Variants in SEC23IP observed in about 807,000 individuals in gnomAD.
SEC23IP encodes the protein SEC23-interacting protein.
Under a neutral mutation model 113.4 loss-of-function variants are expected in SEC23IP, and 70 were observed. The observed-to-expected ratio is 0.62, with a 90% CI of 0.51 to 0.75. SEC23IP has a LOEUF of 0.75. SEC23IP is among the 30% of genes least tolerant of loss of function. The probability of loss-of-function intolerance (pLI) is 0.00; values close to 1 mark genes in which losing one functional copy is unlikely to be tolerated. For synonymous variants in SEC23IP, 398 were observed against 421.0 expected (o/e 0.95, Z 0.67); for missense variants, 1,160 against 1,204.9 (o/e 0.96, Z 0.55).
In SEC23IP at chr10:119,942,905, T is replaced by C. The variant is rs1856000658; in HGVS notation, c.*2340T>C. On this transcript the variant is annotated 3_prime_UTR_variant, in exon 19 of 19. Transcript: ENST00000369075. ...AGTGATTTTTGAGGTAAGTATGTTA[T>C]TGGAAAGGTGTGATCTATATAGAAC... 1 of 152,158 alleles carries C rather than the reference T, an allele frequency of 6.6e-6. No homozygotes were observed. Among genetic ancestry groups the C allele is most frequent in the Non-Finnish European group, 1.5e-5 (1 of 68,040 alleles). 9.4% of individuals were successfully genotyped at this position (152,158 alleles called of 1,614,324 possible).
intron 8 of SEC23IP, among the ~76,000 whole-genome samples, chr10:119,916,493 A>G (rs1437160664): frequency 6.6e-6 from 1 of 152,200 alleles, no homozygotes; most frequent in Non-Finnish European, 1.5e-5. Context: ...ATTTTAGTGA[A>G]CACCGTAATG....
At position 119,904,153 on chromosome 10, in the gene SEC23IP, G is replaced by A. The variant is rs1413034560; in HGVS notation, c.977G>A (p.Arg326Gln). 7 of 1,614,054 alleles carry A rather than the reference G, an allele frequency of 4.3e-6. No individual in the cohort carries two copies. The highest frequency in any genetic ancestry group is 5.9e-6 in the Non-Finnish European group (7 of 1,180,030). ...GGRYDVYLYD[R>Q]IRKAAYWEEE... ...CGCTACGATGTTTACCTCTATGACC[G>A]AATAAGGAAGGCTGCCTACTGGGAA... is the stretch of plus-strand genomic sequence containing the variant. Residue 326 changes from arginine (R) to glutamine (Q), a missense_variant, in exon 4 of 19, where the codon CGA (arginine) becomes CAA (glutamine). Arg to Gln is a conservative substitution (Grantham distance 43). Coordinates refer to ENST00000369075, the MANE Select transcript of SEC23IP (RefSeq NM_007190.4).
chr10:119,901,321 TTTTG>T (rs1163422062), intron 2 of SEC23IP, among the ~76,000 whole-genome samples: 1 of 152,072 alleles, frequency 6.6e-6, no homozygotes, highest in Non-Finnish European at 1.5e-5. Context: ...AAACTTTTAT[TTTTG>T]TTTATTTACT....
At chr10:119,938,761 T>G (rs74683452) in intron 18 of SEC23IP, among the ~76,000 whole-genome samples, 2 of 152,312 alleles carry the variant, frequency 1.3e-5, no homozygotes, top group Non-Finnish European at 2.9e-5. Flanking sequence ...TGCCATCACC[T>G]TATATGGAAA....
At chr10:119,918,762 T>C (rs539853722) in intron 10 of SEC23IP, among the ~76,000 whole-genome samples, 1 of 152,264 alleles carries the variant, frequency 6.6e-6, no homozygotes, top group East Asian at 1.9e-4. Flanking sequence ...AGTACAGTTA[T>C]AGGCCCAAAT....
intron 5 of SEC23IP, 99 bp from the exon 6 acceptor site, chr10:119,911,945 C>T (rs542083755): frequency 4.8e-5 from 67 of 1,385,062 alleles, no homozygotes; most frequent in Middle Eastern, 1.8e-4. Flanking sequence ...ATAAACTCTC[C>T]GTACTCTGAG....
Position 119,916,084 on chromosome 10 carries a change from ATATT to A in SEC23IP, c.1544+198_1544+201del, listed in dbSNP as rs1261382031. The stretch of plus-strand genomic sequence containing the variant: ...CTGTGTGTGTGCATTCCTTTTGTAA[ATATT>A]TAAGAGAATCTTAAGAAATTTTAGC... On this transcript the variant is annotated intron_variant, in intron 8 of 18. Coordinates refer to ENST00000369075, the MANE Select transcript of SEC23IP (RefSeq NM_007190.4). Among the ~76,000 whole-genome samples the A allele has an allele frequency of 2.0e-5, 3 of 152,312 alleles. No individual in the cohort carries two copies. The East Asian group carries it at 5.8e-4, about 29-fold the overall frequency.
rs757150851 is a variant in SEC23IP, at chr10:119,933,667, A to G, written c.2922-19A>G. 1.5e-6 allele frequency: 2 copies of G among 1,348,478 alleles called. No individual in the cohort carries two copies. The highest frequency in any genetic ancestry group is 1.2e-5 in the South Asian group (1 of 84,054). The allele number at this position is 1,348,478 out of a possible 1,614,324, so 83.5% of individuals were successfully genotyped here. On this transcript the variant is annotated intron_variant, in intron 17 of 18. Coordinates refer to ENST00000369075, the MANE Select transcript of SEC23IP (RefSeq NM_007190.4). ...TCTTCTAATTGTCTCTTAAGTAAAT[A>G]TGCTTTTCCTTTTCATAGGGAATCT...
chr10:119,914,582 A>G (rs1854982623), intron 6 of SEC23IP, 148 bp from the exon 7 acceptor site: 2 of 643,422 alleles, frequency 3.1e-6, no homozygotes, highest in South Asian at 1.8e-5. Context: ...CTCTAATTTG[A>G]TAGGGGTAAT....
chr10:119,903,146 ATAT>A (rs1589824832), intron 3 of SEC23IP, 137 bp downstream of exon 3: 3 of 696,934 alleles, frequency 4.3e-6, no homozygotes, highest in African/African-American at 3.6e-5. Context: ...TAAGGTGACG[ATAT>A]TAGTATAAGT....
chr10:119,925,014 A>AG (rs1207516714), intron 12 of SEC23IP, among the ~76,000 whole-genome samples: 1 of 151,418 alleles, frequency 6.6e-6, no homozygotes, highest in Non-Finnish European at 1.5e-5. Context: ...TGAGCTCAAG[A>AG]GATCCACCCA....
chr10:119,909,510 C>T (rs1166441681), intron 5 of SEC23IP, among the ~76,000 whole-genome samples: 6 of 152,074 alleles, frequency 3.9e-5, no homozygotes, highest in African/African-American at 1.2e-4. Flanking sequence ...TACTTGAGCC[C>T]GAGAGGTTGA....
intron 6 of SEC23IP, among the ~76,000 whole-genome samples, chr10:119,913,020 T>G (rs1038921140): frequency 1.3e-5 from 2 of 152,218 alleles, no homozygotes; most frequent in African/African-American, 4.8e-5. Context: ...GTAGAAGTTA[T>G]TCCTTCAACA....
Position 119,913,582 on chromosome 10 carries a change from G to T in SEC23IP, c.1313-1148G>T, listed in dbSNP as rs61867975. ...CTGGGGCTCACTGCAACCTGCACCCGCTGGGTTCAAGCAATTCTTGTGTCT... is the reference window on the plus strand; with the variant it reads ...CTGGGGCTCACTGCAACCTGCACCCTCTGGGTTCAAGCAATTCTTGTGTCT... On this transcript the variant is annotated intron_variant, in intron 6 of 18. Transcript: ENST00000369075. Among the ~76,000 whole-genome samples, 123 of 150,138 alleles carry T rather than the reference G, an allele frequency of 8.2e-4. 1 individual carries two copies. The highest frequency in any genetic ancestry group is 1.3e-3 in the Non-Finnish European group (90 of 67,762).
chr10:119,936,252 A>C (rs1268535575), intron 18 of SEC23IP, among the ~76,000 whole-genome samples: 2 of 152,134 alleles, frequency 1.3e-5, no homozygotes, highest in African/African-American at 4.8e-5. Context: ...ATTTCTGAGA[A>C]TATTGCATAT....
In SEC23IP at chr10:119,910,317, G is replaced by A. The variant is rs573140213; in HGVS notation, c.1191+1187G>A. The stretch of plus-strand genomic sequence containing the variant: ...GTTTTTAAAAAAATATTGATTGCTG[G>A]TATTCTGATTCTATCATTTGCCAAC... On this transcript the variant is annotated intron_variant, in intron 5 of 18. Transcript: ENST00000369075. Among the ~76,000 whole-genome samples the A allele has an allele frequency of 3.9e-5, 6 of 152,046 alleles. No individual in the cohort carries two copies. In the East Asian group the frequency reaches 7.7e-4, roughly 20 times the overall value.
At chr10:119,903,160 C>A (rs1173803535) in intron 3 of SEC23IP, 151 bp downstream of exon 3, 2 of 637,598 alleles carry the variant, frequency 3.1e-6, no homozygotes, top group East Asian at 5.6e-5. Context: ...TAGTATAAGT[C>A]CTGAGTTACC....
chr10:119,936,544 A>T (rs1040903983), intron 18 of SEC23IP, among the ~76,000 whole-genome samples: 3 of 14,430 alleles, frequency 2.1e-4, no homozygotes, highest in African/African-American at 8.0e-4. Context: ...ATTCCGTCTC[A>T]AAAAAAAAAA....
At position 119,902,982 on chromosome 10, in the gene SEC23IP, T is replaced by A; in HGVS notation, c.880T>A (p.Leu294Met). Residue 294 changes from leucine (L) to methionine (M), a missense_variant, in exon 3 of 19, where the codon TTG becomes ATG. Physicochemically the swap from Leu to Met is conservative, Grantham distance 15. Coordinates refer to ENST00000369075, the MANE Select transcript of SEC23IP (RefSeq NM_007190.4). ...GATGCCTTTTAGTGTGTTCGACTCTTTGAATCTTGAAGAAATCTATAATTC... is the reference window on the plus strand; with the variant it reads ...GATGCCTTTTAGTGTGTTCGACTCTATGAATCTTGAAGAAATCTATAATTC... Reference protein sequence around the residue: ...LWMPFSVFDSLNLEEIYNSVQ... With the variant: ...LWMPFSVFDSMNLEEIYNSVQ... 6.2e-7 allele frequency: 1 copy of A among 1,614,054 alleles called. No individual in the cohort carries two copies. The highest frequency in any genetic ancestry group is 8.5e-7 in the Non-Finnish European group (1 of 1,179,918).
Sources: gnomAD v4.1 joint callset for allele counts (sites outside exome capture counted in the v4.1 genomes callset) on GRCh38, gnomAD v4.1.1 for gene constraint, MANE v1.5 for transcripts, NCBI Gene and HGNC (gene_info 2026-07-23, HGNC 2026-07-21) for gene names.